Variants in METTL24 observed in about 807,000 individuals in gnomAD.
The protein encoded by METTL24 is methyltransferase like 24.
A neutral mutation model predicts 32.7 loss-of-function variants in METTL24; 29 were observed. The ratio of observed to expected loss-of-function variants is 0.89; its 90% CI spans 0.66 to 1.21. METTL24 has a LOEUF of 1.21. Among genes scored for constraint, METTL24 ranks in the 50% most tolerant of loss-of-function variants. The pLI, the probability that METTL24 is intolerant of heterozygous loss-of-function variation, is 0.00. For synonymous variants in METTL24, 163 were observed against 179.5 expected, an observed-to-expected ratio of 0.91 and a Z score of 0.73; for missense variants, 439 against 468.1, an observed-to-expected ratio of 0.94 and a Z score of 0.57.
At chr6:110,268,536 C>T (rs1770900028) in intron 4 of METTL24, among the ~76,000 whole-genome samples, 1 of 152,172 alleles carries the variant, frequency 6.6e-6, no homozygotes, top group African/African-American at 2.4e-5. Context: ...CTGCTTGCTG[C>T]CATTCCTGGG....
At chr6:110,344,671 A>G (rs1482418172) in intron 1 of METTL24, among the ~76,000 whole-genome samples, 2 of 152,172 alleles carry the variant, frequency 1.3e-5, no homozygotes, top group East Asian at 3.8e-4. Context: ...GTGTTTCCCA[A>G]GCAATGGGGA....
intron 1 of METTL24, among the ~76,000 whole-genome samples, chr6:110,331,772 C>T (rs1226716659): frequency 1.3e-5 from 2 of 151,974 alleles, no homozygotes; most frequent in South Asian, 2.1e-4. Flanking sequence ...GAGGAAAACT[C>T]GAAGAATTCC....
intron 4 of METTL24, among the ~76,000 whole-genome samples, chr6:110,279,553 G>C (rs1414967224): frequency 3.9e-5 from 6 of 152,162 alleles, no homozygotes; most frequent in Non-Finnish European, 5.9e-5. Flanking sequence ...CAATTGGGAA[G>C]TGGTTAAATA....
intron 4 of METTL24, among the ~76,000 whole-genome samples, chr6:110,278,622 T>C (rs1300148006): frequency 1.3e-5 from 2 of 152,178 alleles, no homozygotes; most frequent in Non-Finnish European, 2.9e-5. Flanking sequence ...CACAAAGCAC[T>C]GCCTTGGACA....
chr6:110,319,440 GAT>G (rs1491480397), intron 2 of METTL24, among the ~76,000 whole-genome samples: 1 of 151,946 alleles, frequency 6.6e-6, no homozygotes, highest in African/African-American at 2.4e-5. Context: ...TAGATAGATA[GAT>G]AGATAGATAG....
At chr6:110,280,194 TGGA>T (rs1771113255) in intron 4 of METTL24, among the ~76,000 whole-genome samples, 1 of 152,166 alleles carries the variant, frequency 6.6e-6, no homozygotes, top group Non-Finnish European at 1.5e-5. Context: ...GCAATTTGGG[TGGA>T]CACACATATC....
intron 4 of METTL24, among the ~76,000 whole-genome samples, chr6:110,265,301 C>T (rs1054395157): frequency 2.0e-5 from 3 of 152,116 alleles, no homozygotes; most frequent in African/African-American, 7.2e-5. Flanking sequence ...CCAGTTTGCA[C>T]ATTAATACAA....
chr6:110,274,034 T>G (rs991929643), intron 4 of METTL24, among the ~76,000 whole-genome samples: 5 of 152,226 alleles, frequency 3.3e-5, no homozygotes, highest in African/African-American at 1.2e-4. Context: ...CATGGAATAC[T>G]ATTCAACCAT....
intron 3 of METTL24, among the ~76,000 whole-genome samples, chr6:110,300,749 G>T (rs1456249085): frequency 1.3e-5 from 2 of 151,778 alleles, no homozygotes; most frequent in African/African-American, 2.4e-5. Flanking sequence ...GCAGCCCTCT[G>T]TATCCACAGA....
chr6:110,332,641 T>G (rs1582431611), intron 1 of METTL24: 9 of 209,016 alleles, frequency 4.3e-5, no homozygotes, highest in South Asian at 1.7e-4. Flanking sequence ...GGCACGGTGG[T>G]TCAGGCCTGT....
intron 4 of METTL24, among the ~76,000 whole-genome samples, chr6:110,266,211 A>G (rs779293938): frequency 1.3e-5 from 2 of 152,064 alleles, no homozygotes; most frequent in African/African-American, 4.8e-5. Flanking sequence ...GGCAGGAAAA[A>G]AAAAATGCTT....
At chr6:110,246,756 G>A (rs1340174716) in intron 4 of METTL24, among the ~76,000 whole-genome samples, 1 of 152,126 alleles carries the variant, frequency 6.6e-6, no homozygotes, top group Non-Finnish European at 1.5e-5. Flanking sequence ...CCTGACAGAA[G>A]GTGTCTATAG....
chr6:110,280,864 G>C (rs1357627741), intron 4 of METTL24, among the ~76,000 whole-genome samples: 1 of 152,060 alleles, frequency 6.6e-6, no homozygotes, highest in Non-Finnish European at 1.5e-5. Flanking sequence ...TGTTGCCCAG[G>C]CTGGTCTCAA....
intron 4 of METTL24, among the ~76,000 whole-genome samples, chr6:110,276,051 C>G (rs1005348328): frequency 6.6e-6 from 1 of 152,162 alleles, no homozygotes; most frequent in Non-Finnish European, 1.5e-5. Context: ...ACACACCAAG[C>G]CATACACCAA....
chr6:110,334,189 G>C (rs1402564322), intron 1 of METTL24, among the ~76,000 whole-genome samples: 2 of 152,084 alleles, frequency 1.3e-5, no homozygotes, highest in Non-Finnish European at 2.9e-5. Context: ...GGCCCACAGG[G>C]CTCCCCGAGG....
chr6:110,332,562 C>A, intron 1 of METTL24: 1 of 815,948 alleles, frequency 1.2e-6, no homozygotes, highest in Non-Finnish European at 1.5e-6. Flanking sequence ...GGTAGCACAT[C>A]AACCTGGAAA....
intron 4 of METTL24, among the ~76,000 whole-genome samples, chr6:110,257,490 G>A (rs574262202): frequency 3.9e-4 from 60 of 152,252 alleles, no homozygotes; most frequent in African/African-American, 1.3e-3. Context: ...CATACTGGAT[G>A]GTGCAGCCAC....
chr6:110,305,238 A>G (rs970655944), intron 3 of METTL24, among the ~76,000 whole-genome samples: 4 of 152,184 alleles, frequency 2.6e-5, no homozygotes, highest in African/African-American at 9.7e-5. Flanking sequence ...AAGAAAACCT[A>G]GGTAATACCA....
chr6:110,286,342 TG>T (rs1771220447), intron 4 of METTL24, among the ~76,000 whole-genome samples: 1 of 152,084 alleles, frequency 6.6e-6, no homozygotes, highest in Admixed American at 6.6e-5. Flanking sequence ...TAGAGATGGG[TG>T]GGGTTGGTTA....
Sources: allele counts gnomAD v4.1 joint callset (sites outside exome capture counted in the v4.1 genomes callset), GRCh38; gene constraint gnomAD v4.1.1; transcripts MANE v1.5; gene names NCBI Gene and HGNC (gene_info 2026-07-23, HGNC 2026-07-21).